The following NEK10 variants were observed in gnomAD, a reference collection of about 807,000 sequenced individuals.
NEK10 encodes NIMA related kinase 10.
A neutral mutation model predicts 159.8 loss-of-function variants in NEK10; 122 were observed. The observed-to-expected ratio is 0.76, with a 90% CI of 0.66 to 0.89. NEK10 has a LOEUF of 0.89. NEK10 is among the 40% of genes least tolerant of loss of function. NEK10 has a pLI of 0.00. For synonymous variants in NEK10, 466 were observed against 457.1 expected, an observed-to-expected ratio of 1.02 and a Z score of -0.25; for missense variants, 1,342 against 1,323.1, an observed-to-expected ratio of 1.01 and a Z score of -0.22.
chr3:27,209,453 T>C (rs1950812837), intron 23 of NEK10, among the ~76,000 whole-genome samples: 1 of 152,236 alleles, frequency 6.6e-6, no homozygotes, highest in Non-Finnish European at 1.5e-5. Flanking sequence ...ATTTCTCTCA[T>C]GTTGCATGAA....
chr3:27,200,090 A>G (rs536884861), intron 25 of NEK10, among the ~76,000 whole-genome samples: 16 of 152,182 alleles, frequency 1.1e-4, no homozygotes, highest in Non-Finnish European at 2.2e-4. Flanking sequence ...ACAAACCTGC[A>G]CATGTACCTC....
chr3:27,159,849 T>C (rs1341167120), intron 30 of NEK10, among the ~76,000 whole-genome samples: 1 of 151,674 alleles, frequency 6.6e-6, no homozygotes, highest in Non-Finnish European at 1.5e-5. Context: ...CATATTACAA[T>C]ATAGGCACTT....
At position 27,344,294 on chromosome 3, in the gene NEK10, C is replaced by A. The variant is rs1357856931; in HGVS notation, c.340G>T (p.Val114Leu). 1.3e-6 allele frequency: 2 copies of A among 1,590,322 alleles called. No individual in the cohort carries two copies. The highest frequency in any genetic ancestry group is 1.1e-5 in the South Asian group (1 of 89,070). ...TACCTGCTTATGAGTCTATTTTTCACCAAGGCGGTAAAGATCTCCTGAAAT... is the reference window on the plus strand; with the variant it reads ...TACCTGCTTATGAGTCTATTTTTCAACAAGGCGGTAAAGATCTCCTGAAAT... ...KLFQEIFTAL[V>L]KNRLISREWV... is the part of the protein sequence containing the mutation. The change falls in exon 5 of 36, where the codon GTG (valine) becomes TTG (leucine). Residue 114 changes from valine to leucine, a missense_variant. Coordinates refer to ENST00000691995, the MANE Select transcript of NEK10 (RefSeq NM_001394966.1).
chr3:27,367,022 C>A lies in NEK10; in HGVS notation c.-38+2203G>T, dbSNP rs139907366. On this transcript the variant is annotated intron_variant, in intron 1 of 35. Transcript: ENST00000691995. ...ATGGGGTTTCACCATGTGGGCCAGG[C>A]TGATCTTGAACTCCTGACCTCAGGT... Among the ~76,000 whole-genome samples, 481 of 152,058 alleles carry A rather than the reference C, an allele frequency of 3.2e-3. 4 individuals carry two copies. The highest frequency in any genetic ancestry group is 0.011 in the African/African-American group (453 of 41,470).
intron 30 of NEK10, among the ~76,000 whole-genome samples, chr3:27,143,975 G>A (rs1237626829): frequency 6.6e-6 from 1 of 152,170 alleles, no homozygotes; most frequent in Non-Finnish European, 1.5e-5. Flanking sequence ...CATTGGAAGG[G>A]TCCACTCAGC....
chr3:27,161,876 G>T (rs543926342), intron 30 of NEK10, among the ~76,000 whole-genome samples: 4 of 152,084 alleles, frequency 2.6e-5, no homozygotes, highest in Non-Finnish European at 4.4e-5. Context: ...ATGGTGGCAG[G>T]CACCTGTAAT....
intron 5 of NEK10, among the ~76,000 whole-genome samples, chr3:27,342,262 T>C (rs2047250880): frequency 6.6e-6 from 1 of 152,010 alleles, no homozygotes; most frequent in African/African-American, 2.4e-5. Flanking sequence ...TAACAAGCCA[T>C]ATCAGAAAAG....
intron 22 of NEK10, among the ~76,000 whole-genome samples, chr3:27,275,926 C>T (rs947480162): frequency 1.3e-5 from 2 of 152,078 alleles, no homozygotes; most frequent in Non-Finnish European, 2.9e-5. Context: ...TTACTGTTTG[C>T]TAAGATGACA....
intron 22 of NEK10, among the ~76,000 whole-genome samples, chr3:27,270,576 C>T (rs2041258407): frequency 6.6e-6 from 1 of 152,186 alleles, no homozygotes; most frequent in Non-Finnish European, 1.5e-5. Flanking sequence ...ATGAATACAA[C>T]TGCCATCATC....
At chr3:27,164,522 T>C (rs1234694453) in intron 29 of NEK10, among the ~76,000 whole-genome samples, 1 of 152,256 alleles carries the variant, frequency 6.6e-6, no homozygotes, top group African/African-American at 2.4e-5. Context: ...AAATATTATT[T>C]CAACATATAC....
intron 23 of NEK10, among the ~76,000 whole-genome samples, chr3:27,253,866 C>T (rs543777268): frequency 4.6e-5 from 7 of 152,268 alleles, no homozygotes; most frequent in African/African-American, 1.7e-4. Context: ...GGACCCTAGC[C>T]AGACTCCTAC....
chr3:27,358,338 G>A (rs2048458248), intron 1 of NEK10, among the ~76,000 whole-genome samples: 1 of 152,208 alleles, frequency 6.6e-6, no homozygotes, highest in African/African-American at 2.4e-5. Flanking sequence ...TCAGATGGGA[G>A]AGAAGAGACT....
At chr3:27,261,861 T>C (rs1271900464) in intron 22 of NEK10, among the ~76,000 whole-genome samples, 1 of 152,184 alleles carries the variant, frequency 6.6e-6, no homozygotes, top group African/African-American at 2.4e-5. Context: ...GGAGTCTAAG[T>C]CTCCTTCTAG....
At chr3:27,352,199 A>G (rs956680665) in intron 3 of NEK10, among the ~76,000 whole-genome samples, 30 of 152,156 alleles carry the variant, frequency 2.0e-4, no homozygotes, top group Non-Finnish European at 1.6e-4. Flanking sequence ...TTGTTTACAG[A>G]CCGAAGAGGA....
intron 1 of NEK10, 21 bp from the exon 2 acceptor site, chr3:27,352,940 G>C: frequency 1.5e-6 from 2 of 1,309,362 alleles, no homozygotes; most frequent in Non-Finnish European, 2.2e-6. Context: ...AAACCAGAGG[G>C]AAAATTTTAG....
intron 11 of NEK10, 59 bp downstream of exon 11, chr3:27,307,800 C>T: frequency 1.2e-6 from 1 of 804,668 alleles, no homozygotes; most frequent in South Asian, 1.4e-5. Flanking sequence ...AAAATAATAA[C>T]AAGTGTATCT....
chr3:27,267,495 T>A (rs1208511498), intron 22 of NEK10, among the ~76,000 whole-genome samples: 1 of 152,200 alleles, frequency 6.6e-6, no homozygotes, highest in Non-Finnish European at 1.5e-5. Flanking sequence ...GTCTCTCACA[T>A]TTTGGTAATT....
intron 4 of NEK10, among the ~76,000 whole-genome samples, chr3:27,345,860 T>C (rs1398222547): frequency 1.3e-5 from 2 of 152,230 alleles, no homozygotes; most frequent in African/African-American, 4.8e-5. Context: ...CATGTCAGCA[T>C]AGGGTCCTAA....
In NEK10 at chr3:27,119,827, G is replaced by GA; in HGVS notation, c.3122dup (p.Thr1042HisfsTer20). On this transcript the variant is annotated frameshift_variant, in exon 33 of 36. Coordinates refer to ENST00000691995, the MANE Select transcript of NEK10 (RefSeq NM_001394966.1). LOFTEE classifies it high-confidence loss of function. ...GATGTAATAAATGGTAATCTGCTGT[G>GA]AAAAAGTTGGGCTCAATCGGTTCTG... The GA allele has an allele frequency of 6.2e-7, 1 of 1,613,960 alleles. No homozygotes were observed. Among genetic ancestry groups the GA allele is most frequent in the Non-Finnish European group, 8.5e-7 (1 of 1,179,888 alleles).
Sources: allele counts gnomAD v4.1 joint callset (sites outside exome capture counted in the v4.1 genomes callset), GRCh38; gene constraint gnomAD v4.1.1; transcripts MANE v1.5; gene names NCBI Gene and HGNC (gene_info 2026-07-23, HGNC 2026-07-21).